The following KCNQ5 variants were observed in gnomAD, a reference collection of about 807,000 sequenced individuals.
KCNQ5 encodes the protein potassium voltage-gated channel subfamily KQT member 5.
A neutral mutation model predicts 98.2 loss-of-function variants in KCNQ5; 30 were observed. The observed-to-expected ratio is 0.31, with a 90% CI of 0.23 to 0.41. The LOEUF (loss-of-function observed/expected upper bound fraction) is 0.41, where lower values mean the gene tolerates loss of function less well. KCNQ5 is among the 10% of genes least tolerant of loss of function. The pLI, the probability that KCNQ5 is intolerant of heterozygous loss-of-function variation, is 1.00. For synonymous variants in KCNQ5, 458 were observed against 449.4 expected, an observed-to-expected ratio of 1.02 and a Z score of -0.24; for missense variants, 835 against 1,182.5, an observed-to-expected ratio of 0.71 and a Z score of 4.31.
intron 3 of KCNQ5, among the ~76,000 whole-genome samples, chr6:73,075,263 G>A (rs1401710316): frequency 2.7e-5 from 4 of 146,138 alleles, no homozygotes; most frequent in Non-Finnish European, 5.9e-5. Context: ...TTGCTCTGTC[G>A]CTAGGCTGGA....
intron 1 of KCNQ5, among the ~76,000 whole-genome samples, chr6:72,627,551 T>C (rs913492428): frequency 6.6e-6 from 1 of 152,210 alleles, no homozygotes; most frequent in Non-Finnish European, 1.5e-5. Context: ...AGGAGGCCAC[T>C]GGTGGCCTTT....
chr6:72,930,842 A>G (rs1332647927), intron 1 of KCNQ5, among the ~76,000 whole-genome samples: 1 of 152,158 alleles, frequency 6.6e-6, no homozygotes, highest in Non-Finnish European at 1.5e-5. Flanking sequence ...TACTTGTTTA[A>G]ATTAAATCTG....
At chr6:72,726,105 T>TTA (rs1554150155) in intron 1 of KCNQ5, among the ~76,000 whole-genome samples, 1 of 148,148 alleles carries the variant, frequency 6.8e-6, no homozygotes, top group African/African-American at 2.5e-5. Context: ...TGATGTTTGG[T>TTA]AAAAAAAAAA....
chr6:73,146,706 G>C (rs1040746715), intron 10 of KCNQ5, among the ~76,000 whole-genome samples: 2 of 150,470 alleles, frequency 1.3e-5, no homozygotes, highest in African/African-American at 5.0e-5. Context: ...ATGTGAGAAG[G>C]CTATCTGAGA....
At chr6:73,023,138 G>T (rs1770682992) in intron 2 of KCNQ5, among the ~76,000 whole-genome samples, 1 of 152,138 alleles carries the variant, frequency 6.6e-6, no homozygotes, top group Non-Finnish European at 1.5e-5. Context: ...CTAAAATAGA[G>T]GCAGAAAAGA....
intron 1 of KCNQ5, among the ~76,000 whole-genome samples, chr6:72,681,515 C>G (rs1170787117): frequency 6.6e-6 from 1 of 152,176 alleles, no homozygotes; most frequent in Non-Finnish European, 1.5e-5. Context: ...TCCAAAGTCT[C>G]TCTCTTTGAA....
At chr6:73,188,590 T>G (rs1328257459) in intron 11 of KCNQ5, among the ~76,000 whole-genome samples, 1 of 152,196 alleles carries the variant, frequency 6.6e-6, no homozygotes, top group East Asian at 1.9e-4. Context: ...CAACAAATAT[T>G]TTTTACTGTG....
intron 1 of KCNQ5, among the ~76,000 whole-genome samples, chr6:72,997,894 G>A (rs577833785): frequency 3.3e-5 from 5 of 151,082 alleles, no homozygotes; most frequent in South Asian, 4.2e-4. Context: ...AAGCAGAATC[G>A]TGCAGTGTTC....
At chr6:73,144,883 T>A (rs573636458) in intron 10 of KCNQ5, among the ~76,000 whole-genome samples, 1 of 152,312 alleles carries the variant, frequency 6.6e-6, no homozygotes, top group East Asian at 1.9e-4. Flanking sequence ...CTCTTGAAGT[T>A]CAGGCTCAAC....
At chr6:72,942,058 A>G (rs988135088) in intron 1 of KCNQ5, among the ~76,000 whole-genome samples, 1 of 152,194 alleles carries the variant, frequency 6.6e-6, no homozygotes, top group Non-Finnish European at 1.5e-5. Flanking sequence ...TAACTCCTAC[A>G]GAGAACCTGT....
rs1777375095 is a variant in KCNQ5 at position 72,853,390 on chromosome 6, C to T, written c.399-150518C>T. Among the ~76,000 whole-genome samples the T allele has an allele frequency of 2.0e-5, 3 of 152,096 alleles. No homozygotes were observed. The South Asian group carries it at 6.2e-4, about 32-fold the overall frequency. On this transcript the variant is annotated intron_variant, in intron 1 of 13. Coordinates refer to ENST00000370398, the MANE Select transcript of KCNQ5 (RefSeq NM_019842.4). ...ACAGTATCTCCTTCTGTTGCCCAGG[C>T]TGGATTGCGGTGGTGCCATCGCAGC...
chr6:73,045,468 A>T (rs542479002), intron 3 of KCNQ5, among the ~76,000 whole-genome samples: 1 of 152,126 alleles, frequency 6.6e-6, no homozygotes, highest in African/African-American at 2.4e-5. Flanking sequence ...ATAACATTCT[A>T]TAGCTATGAG....
chr6:73,013,463 G>T (rs184325296), intron 2 of KCNQ5, among the ~76,000 whole-genome samples: 12 of 152,234 alleles, frequency 7.9e-5, no homozygotes, highest in African/African-American at 2.6e-4. Context: ...TCCAGGGACA[G>T]TTAAAAGCTG....
intron 1 of KCNQ5, among the ~76,000 whole-genome samples, chr6:72,750,180 A>T (rs902446846): frequency 2.0e-5 from 3 of 152,114 alleles, no homozygotes; most frequent in Non-Finnish European, 4.4e-5. Flanking sequence ...AACCTTGGAA[A>T]GGAACTCCCA....
chr6:72,962,649 C>T (rs966679092), intron 1 of KCNQ5, among the ~76,000 whole-genome samples: 3 of 151,976 alleles, frequency 2.0e-5, no homozygotes, highest in Admixed American at 6.6e-5. Context: ...AGATGGAAAC[C>T]GAACTGAAAT....
intron 1 of KCNQ5, among the ~76,000 whole-genome samples, chr6:72,921,254 T>C (rs1582020059): frequency 6.6e-6 from 1 of 152,172 alleles, no homozygotes; most frequent in East Asian, 1.9e-4. Flanking sequence ...AAATAGGAAA[T>C]GCTTCATTAG....
At chr6:73,082,887 CTTT>C (rs66921503) in intron 5 of KCNQ5, among the ~76,000 whole-genome samples, 26 of 72,910 alleles carry the variant, frequency 3.6e-4, no homozygotes, top group Non-Finnish European at 4.5e-4. Flanking sequence ...ATTACCAAAC[CTTT>C]TTTTTTTTTT....
At chr6:72,886,954 G>A (rs1192574540) in intron 1 of KCNQ5, among the ~76,000 whole-genome samples, 1 of 152,058 alleles carries the variant, frequency 6.6e-6, no homozygotes, top group Non-Finnish European at 1.5e-5. Context: ...AATTGCCCCA[G>A]AAAGGATGTC....
chr6:72,639,122 A>C (rs1351382130), intron 1 of KCNQ5, among the ~76,000 whole-genome samples: 1 of 152,206 alleles, frequency 6.6e-6, no homozygotes, highest in East Asian at 1.9e-4. Context: ...GATGGAGAAG[A>C]AATAAGGTCC....
Sources: gnomAD v4.1 joint callset for allele counts (sites outside exome capture counted in the v4.1 genomes callset) on GRCh38, gnomAD v4.1.1 for gene constraint, MANE v1.5 for transcripts, NCBI Gene and HGNC (gene_info 2026-07-23, HGNC 2026-07-21) for gene names.